The following ANKRD44 variants were observed in gnomAD, a reference collection of about 807,000 sequenced individuals.
ANKRD44 encodes the protein serine/threonine-protein phosphatase 6 regulatory ankyrin repeat subunit B.
Under a neutral mutation model 116.0 loss-of-function variants are expected in ANKRD44, and 35 were observed. The ratio of observed to expected loss-of-function variants is 0.30; its 90% CI spans 0.23 to 0.40. The LOEUF (loss-of-function observed/expected upper bound fraction) is 0.40, where lower values mean the gene tolerates loss of function less well. Ranked by LOEUF, ANKRD44 falls within the 10% of genes least tolerant of loss-of-function variation. ANKRD44 has a pLI of 1.00. For missense variants in ANKRD44, 1,014 were observed against 1,242.6 expected (o/e 0.82, Z 2.77); for synonymous variants, 435 against 461.8 (o/e 0.94, Z 0.74).
chr2:197,137,286 T>C (rs2079242137), intron 3 of ANKRD44, among the ~76,000 whole-genome samples: 1 of 152,156 alleles, frequency 6.6e-6, no homozygotes, highest in Admixed American at 6.5e-5. Flanking sequence ...TGTATCTTTG[T>C]AGAAGCAGCA....
chr2:197,290,298 A>G (rs2083525780), intron 1 of ANKRD44, among the ~76,000 whole-genome samples: 1 of 152,154 alleles, frequency 6.6e-6, no homozygotes, highest in Non-Finnish European at 1.5e-5. Flanking sequence ...CTATTCTTGC[A>G]GGAGTAAGGT....
intron 2 of ANKRD44, among the ~76,000 whole-genome samples, chr2:197,162,408 A>G (rs1026068256): frequency 1.8e-4 from 27 of 152,128 alleles, no homozygotes; most frequent in Non-Finnish European, 4.4e-5. Context: ...GAACCTGATG[A>G]GCTCCTTCTA....
At chr2:197,233,779 T>C (rs1342824995) in intron 1 of ANKRD44, among the ~76,000 whole-genome samples, 2 of 152,248 alleles carry the variant, frequency 1.3e-5, no homozygotes, top group African/African-American at 2.4e-5. Context: ...TTCTAGCAGT[T>C]TTCTCTCACA....
intron 2 of ANKRD44, among the ~76,000 whole-genome samples, chr2:197,170,155 A>G (rs1337545561): frequency 7.0e-6 from 1 of 141,910 alleles, no homozygotes; most frequent in African/African-American, 2.6e-5. Context: ...ATTCCACTGC[A>G]CTCCAGCCTG....
At chr2:197,043,765 T>C (rs1336256105) in intron 16 of ANKRD44, among the ~76,000 whole-genome samples, 1 of 148,762 alleles carries the variant, frequency 6.7e-6, no homozygotes, top group Non-Finnish European at 1.5e-5. Context: ...TGGACCCTGG[T>C]TTTTTTTTTC....
At chr2:196,986,631 A>T, downstream of ANKRD44, 1 of 888,652 alleles carries the variant, frequency 1.1e-6, no homozygotes, top group African/African-American at 1.8e-5. Flanking sequence ...TAATTTAGAA[A>T]AAGCATAAAT....
chr2:197,292,955 T>C lies in ANKRD44; in HGVS notation c.27+17623A>G, dbSNP rs376255286. Reference sequence around the variant, plus strand: ...ACTGTTTCCTTGACTGGAGAAGTTGTCCCAGATCTGTTCATGTCATGACAC... The same window carrying C: ...ACTGTTTCCTTGACTGGAGAAGTTGCCCCAGATCTGTTCATGTCATGACAC... On this transcript the variant is annotated intron_variant, in intron 1 of 27. Coordinates refer to ENST00000282272, the MANE Select transcript of ANKRD44 (RefSeq NM_001195144.2). 8.6e-4 allele frequency among the ~76,000 whole-genome samples: 131 copies of C among 152,312 alleles called. 4 individuals are homozygous for C. In the South Asian group the frequency reaches 0.02, roughly 23 times the overall value.
chr2:197,108,927 T>C (rs899186310), intron 9 of ANKRD44, among the ~76,000 whole-genome samples: 1 of 152,104 alleles, frequency 6.6e-6, no homozygotes, highest in Non-Finnish European at 1.5e-5. Context: ...GGACATGGAA[T>C]TCTTCCAGCC....
At chr2:197,190,523 T>C in intron 1 of ANKRD44, among the ~76,000 whole-genome samples, 1 of 152,234 alleles carries the variant, frequency 6.6e-6, no homozygotes, top group East Asian at 1.9e-4. Context: ...GACTGCTTCT[T>C]CTTTTTTTCT....
intron 16 of ANKRD44, among the ~76,000 whole-genome samples, chr2:197,026,764 G>C (rs1022448766): frequency 2.6e-5 from 4 of 152,106 alleles, no homozygotes; most frequent in Admixed American, 1.3e-4. Context: ...TTAGGAGCTG[G>C]GGCAATAGTC....
At chr2:197,096,625 G>T (rs2289312) in intron 10 of ANKRD44, among the ~76,000 whole-genome samples, 94,026 of 152,040 alleles carry the variant, frequency 0.62, 31,899 homozygotes, top group East Asian at 0.84. Context: ...GATAAAACTT[G>T]TCATATAGAG....
intron 9 of ANKRD44, among the ~76,000 whole-genome samples, chr2:197,101,705 C>T (rs574082773): frequency 6.6e-6 from 1 of 152,280 alleles, no homozygotes; most frequent in Non-Finnish European, 1.5e-5. Context: ...GCAATCTGTG[C>T]GGTGATACAG....
chr2:197,118,637 G>GAGAAAGAAAGAAAGAA (rs71012953), intron 8 of ANKRD44, among the ~76,000 whole-genome samples: 2,031 of 112,340 alleles, frequency 0.018, 59 homozygotes, highest in African/African-American at 0.049. Context: ...GAGAGAGAGA[G>GAGAAAGAAAGAAAGAA]AGAAAGAAAG....
At chr2:197,263,660 C>T (rs1325267543) in intron 1 of ANKRD44, 2 of 169,274 alleles carry the variant, frequency 1.2e-5, no homozygotes, top group African/African-American at 2.4e-5. Context: ...AGAGGAAAGA[C>T]AAATACTGTA....
intron 21 of ANKRD44, among the ~76,000 whole-genome samples, chr2:197,005,103 C>T (rs936406202): frequency 6.6e-6 from 1 of 151,934 alleles, no homozygotes; most frequent in African/African-American, 2.4e-5. Context: ...AAGATGCACA[C>T]AAAATTACAT....
At chr2:197,155,147 TATTGAGC>T (rs2079777492) in intron 2 of ANKRD44, among the ~76,000 whole-genome samples, 1 of 152,216 alleles carries the variant, frequency 6.6e-6, no homozygotes, top group Non-Finnish European at 1.5e-5. Flanking sequence ...AAATAATGTA[TATTGAGC>T]AAAACTTGTA....
intron 1 of ANKRD44, among the ~76,000 whole-genome samples, chr2:197,207,335 C>T (rs1574274197): frequency 6.6e-6 from 1 of 152,334 alleles, no homozygotes; most frequent in East Asian, 1.9e-4. Flanking sequence ...AAATCACAGC[C>T]ACAACATTCT....
At chr2:197,165,071 A>G (rs2080073210) in intron 2 of ANKRD44, among the ~76,000 whole-genome samples, 1 of 152,214 alleles carries the variant, frequency 6.6e-6, no homozygotes. Context: ...GATGCTTAGA[A>G]AGCATTTGGC....
In ANKRD44 at chr2:197,164,809, G is replaced by A. The variant is rs374428443; in HGVS notation, c.112-17704C>T. On this transcript the variant is annotated intron_variant, in intron 2 of 27. Transcript: ENST00000282272. The stretch of plus-strand genomic sequence containing the variant: ...TTGTCCCTTCCTCTGTGTTCCCTGG[G>A]TTTTGAGGGTTTTTTTTTTCCATTT... Among the ~76,000 whole-genome samples the A allele has an allele frequency of 3.3e-5, 5 of 151,874 alleles. No individual in the cohort carries two copies. In the East Asian group the frequency reaches 7.7e-4, roughly 23 times the overall value.
Sources: gnomAD v4.1 joint callset for allele counts (sites outside exome capture counted in the v4.1 genomes callset) on GRCh38, gnomAD v4.1.1 for gene constraint, MANE v1.5 for transcripts, NCBI Gene and HGNC (gene_info 2026-07-23, HGNC 2026-07-21) for gene names.